Variants in TRIM25 observed in about 807,000 individuals in gnomAD.
TRIM25 encodes E3 ubiquitin/ISG15 ligase TRIM25.
A neutral mutation model predicts 65.2 loss-of-function variants in TRIM25; 45 were observed. The observed-to-expected ratio is 0.69, with a 90% confidence interval of 0.54 to 0.89. The LOEUF is 0.89. Among genes scored for constraint, TRIM25 ranks in the 40% least tolerant of loss-of-function variants. The pLI is 0.00. For synonymous variants in TRIM25, 321 were observed against 340.4 expected, an observed-to-expected ratio of 0.94 and a Z score of 0.63; for missense variants, 714 against 803.7, an observed-to-expected ratio of 0.89 and a Z score of 1.35.
intron 5 of TRIM25, 147 bp from the exon 6 acceptor site, chr17:56,896,099 T>C: frequency 1.1e-6 from 1 of 878,818 alleles, no homozygotes. Flanking sequence ...GCAGGCAAAA[T>C]GAATCTATAG....
intron 1 of TRIM25, chr17:56,912,147 C>G (rs1909643155): frequency 6.6e-6 from 1 of 152,260 alleles, no homozygotes; most frequent in South Asian, 2.1e-4. Context: ...GAAGACGGGT[C>G]TTGTTCTCCC....
intron 8 of TRIM25, among the ~76,000 whole-genome samples, chr17:56,894,754 G>A (rs547636791): frequency 6.6e-6 from 1 of 152,356 alleles, no homozygotes; most frequent in South Asian, 2.1e-4. Flanking sequence ...AGAGCGTGTG[G>A]GGAGCAGACT....
chr17:56,911,425 CA>C (rs1395347517), intron 1 of TRIM25, among the ~76,000 whole-genome samples: 5 of 151,808 alleles, frequency 3.3e-5, no homozygotes. Context: ...ACTAAAAATA[CA>C]AAAATTAGCT....
rs781044424 is a variant in TRIM25 at position 56,913,513 on chromosome 17, TG to T, written c.475del (p.Gln159SerfsTer33). 1 of 1,613,800 alleles carries T rather than the reference TG, an allele frequency of 6.2e-7. No homozygotes were observed. Among genetic ancestry groups the T allele is most frequent in the Admixed American group, 1.7e-5 (1 of 60,010 alleles). On this transcript the variant is annotated frameshift_variant, in exon 1 of 9. Coordinates refer to ENST00000316881, the MANE Select transcript of TRIM25 (RefSeq NM_005082.5). LOFTEE classifies it high-confidence loss of function. The surrounding 1 kb of genome is among the most constrained non-coding windows in gnomAD (Gnocchi z 6.1). ...VRDLLRRKCS[Q>X]HNRLREFFCP... ...GAAAAATTCCCGCAGCCGATTGTGC[TG>T]GGAACATTTGCGGCGCAACAGGTCG...
At chr17:56,900,447 T>C (rs952192386) in intron 4 of TRIM25, among the ~76,000 whole-genome samples, 1 of 152,062 alleles carries the variant, frequency 6.6e-6, no homozygotes, top group African/African-American at 2.4e-5. Flanking sequence ...GAGGGAGATA[T>C]ACGGGGATCC....
intron 2 of TRIM25, among the ~76,000 whole-genome samples, chr17:56,905,085 T>G (rs900175281): frequency 1.3e-5 from 2 of 152,318 alleles, no homozygotes; most frequent in South Asian, 4.1e-4. Context: ...TGGGAGGGGC[T>G]GCATCGATGA....
intron 1 of TRIM25, among the ~76,000 whole-genome samples, chr17:56,909,411 G>A (rs547614638): frequency 1.3e-5 from 2 of 152,120 alleles, no homozygotes; most frequent in South Asian, 2.1e-4. Flanking sequence ...CCAGCCAGGC[G>A]CAGTGGCTCA....
chr17:56,908,639 CCACA>C, intron 1 of TRIM25, 76 bp from the exon 2 acceptor site: 5 of 1,425,670 alleles, frequency 3.5e-6, no homozygotes, highest in Non-Finnish European at 4.9e-6. Context: ...TGGAACTATC[CCACA>C]GGATAGATTC....
Position 56,891,605 on chromosome 17 carries a change from T to C in TRIM25, c.*95A>G, listed in dbSNP as rs1598069210. ...TCCCATGCTCCCAATCCTTGGGACC[T>C]CTTGGGGAATTATCCAAGGAGAGTT... is the stretch of plus-strand genomic sequence containing the variant. On this transcript the variant is annotated 3_prime_UTR_variant, in exon 9 of 9. Coordinates refer to ENST00000316881, the MANE Select transcript of TRIM25 (RefSeq NM_005082.5). 1.1e-5 allele frequency: 11 copies of C among 1,031,324 alleles called. No individual in the cohort carries two copies. Among genetic ancestry groups the C allele is most frequent in the South Asian group, 1.7e-5 (1 of 60,226 alleles). The allele number at this position is 1,031,324 out of a possible 1,614,324, so 63.9% of individuals were successfully genotyped here. A position where few individuals can be genotyped will look rare whatever the true frequency, so the allele number is the denominator to read the frequency against.
rs1424190273 is a variant in TRIM25 at position 56,888,141 on chromosome 17, G to A, written c.*3559C>T. The A allele has an allele frequency of 6.6e-6, 1 of 152,180 alleles. No homozygotes were observed. The highest frequency in any genetic ancestry group is 1.9e-4 in the East Asian group (1 of 5,202). The allele number at this position is 152,180 out of a possible 1,614,324, so 9.4% of individuals were successfully genotyped here. A position where few individuals can be genotyped will look rare whatever the true frequency, so the allele number is the denominator to read the frequency against. ...TTCATGATGTACTGATTAAAGCACT[G>A]GCCAGATGATTAAACTCAGCCTCCA... On this transcript the variant is annotated 3_prime_UTR_variant, in exon 9 of 9. Transcript: ENST00000316881.
In TRIM25 at chr17:56,913,633, C is replaced by T; in HGVS notation, c.356G>A (p.Cys119Tyr). The change falls in exon 1 of 9, where the codon TGC (cysteine) becomes TAC (tyrosine). Residue 119 changes from cysteine (C) to tyrosine (Y), a missense_variant. By Grantham distance (194) the Cys-to-Tyr change is radical (BLOSUM62 -2). Around this residue, in one of 3 missense-constraint regions of TRIM25, gnomAD observed 291 missense variants for 281.8 expected, o/e 1.03. Transcript: ENST00000316881. This position sits in a 1 kb window ranked among gnomAD's most constrained non-coding sequence, Gnocchi z 6.1. ...HCLKEAAVKT[C>Y]LVCMASFCQE... is the part of the protein sequence containing the mutation. ...ACAGAAGGAGGCCATGCACACCAAG[C>T]ACGTCTTCACGGCGGCCTCCTTCAG... 6.2e-7 allele frequency: 1 copy of T among 1,601,206 alleles called. No individual in the cohort carries two copies. Among genetic ancestry groups the T allele is most frequent in the Non-Finnish European group, 8.5e-7 (1 of 1,172,224 alleles).
intron 3 of TRIM25, among the ~76,000 whole-genome samples, chr17:56,903,659 T>C (rs1251139004): frequency 6.6e-6 from 1 of 152,166 alleles, no homozygotes; most frequent in South Asian, 2.1e-4. Context: ...GATTAGGTTA[T>C]GTCATGTGGC....
chr17:56,889,624 T>C lies in TRIM25; in HGVS notation c.*2076A>G, dbSNP rs1281324538. On this transcript the variant is annotated 3_prime_UTR_variant, in exon 9 of 9. Transcript: ENST00000316881. ...ACTCTCTTTTAAACAGAGGGTCTTA[T>C]GCTTCCCTATCCTGAGCTGCACATT... The C allele has an allele frequency of 5.0e-6, 2 of 397,240 alleles. No homozygotes were observed. Among genetic ancestry groups the C allele is most frequent in the Non-Finnish European group, 4.4e-6 (1 of 225,646 alleles). The allele number at this position is 397,240 out of a possible 1,614,324, so 24.6% of individuals were successfully genotyped here. A position where few individuals can be genotyped will look rare whatever the true frequency, so the allele number is the denominator to read the frequency against.
chr17:56,895,821 C>T, intron 6 of TRIM25, 105 bp downstream of exon 6: 1 of 1,423,322 alleles, frequency 7.0e-7, no homozygotes, highest in Non-Finnish European at 9.6e-7. Flanking sequence ...TCATATAGAA[C>T]CCATCACAGA....
In TRIM25 at chr17:56,895,275, G is replaced by T; in HGVS notation, c.1363+68C>A. 7 of 1,303,184 alleles carry T rather than the reference G, an allele frequency of 5.4e-6. No individual in the cohort carries two copies. The South Asian group carries it at 8.4e-5, about 16-fold the overall frequency. The allele number at this position is 1,303,184 out of a possible 1,614,324, so 80.7% of individuals were successfully genotyped here. Reference sequence around the variant, plus strand: ...ATAGCCGGCCAGCTGGCCTCACAGAGAGCTGCACAGAGCGGCGCAGGAGAG... The same window carrying T: ...ATAGCCGGCCAGCTGGCCTCACAGATAGCTGCACAGAGCGGCGCAGGAGAG... On this transcript the variant is annotated intron_variant, in intron 8 of 8. Coordinates refer to ENST00000316881, the MANE Select transcript of TRIM25 (RefSeq NM_005082.5).
chr17:56,898,223 A>AGTATATGGACATCTCAGCG lies in TRIM25; in HGVS notation c.1153+873_1153+891dup, dbSNP rs1329515230. Among the ~76,000 whole-genome samples, 1,320 of 151,752 alleles carry AGTATATGGACATCTCAGCG rather than the reference A, an allele frequency of 8.7e-3. 26 individuals carry two copies. The highest frequency in any genetic ancestry group is 0.03 in the African/African-American group (1,259 of 41,288). ...GTCAGCGGTATATGGACATGTCAGC[A>AGTATATGGACATCTCAGCG]GTATATGGACATCTCAGCGGTATAT... On this transcript the variant is annotated intron_variant, in intron 5 of 8. Coordinates refer to ENST00000316881, the MANE Select transcript of TRIM25 (RefSeq NM_005082.5).
intron 2 of TRIM25, among the ~76,000 whole-genome samples, chr17:56,906,607 C>T (rs1228822162): frequency 1.3e-5 from 2 of 152,148 alleles, no homozygotes; most frequent in Non-Finnish European, 2.9e-5. Flanking sequence ...AATTATCCTA[C>T]CTCAGCCTCC....
chr17:56,903,494 G>A (rs528662284), intron 3 of TRIM25, among the ~76,000 whole-genome samples: 17 of 152,336 alleles, frequency 1.1e-4, no homozygotes, highest in Non-Finnish European at 2.1e-4. Context: ...AGGAGCTGCT[G>A]GAGGAAGGAT....
intron 4 of TRIM25, among the ~76,000 whole-genome samples, chr17:56,899,833 G>A (rs1909374753): frequency 6.6e-6 from 1 of 152,188 alleles, no homozygotes; most frequent in African/African-American, 2.4e-5. Context: ...TAATCCCAAT[G>A]ATTTGGGAGG....
Sources: allele counts gnomAD v4.1 joint callset (sites outside exome capture counted in the v4.1 genomes callset), GRCh38; gene constraint gnomAD v4.1.1; regional missense constraint gnomAD v4.1.1; non-coding constraint Gnocchi (gnomAD v3.1); transcripts MANE v1.5; gene names NCBI Gene and HGNC (gene_info 2026-07-23, HGNC 2026-07-21).